The following PRELID2 variants were observed in gnomAD, a reference collection of about 807,000 sequenced individuals.
PRELID2 encodes PRELI domain-containing protein 2.
In PRELID2, 25 loss-of-function variants were observed where a neutral mutation model predicts 28.4. The observed-to-expected ratio is 0.88, with a 90% CI of 0.64 to 1.23. The LOEUF is 1.23. Among genes scored for constraint, PRELID2 ranks in the 50% most tolerant of loss-of-function variants. PRELID2 has a pLI of 0.00. For synonymous variants in PRELID2, 76 were observed against 71.6 expected, an observed-to-expected ratio of 1.06 and a Z score of -0.31; for missense variants, 201 against 214.4, an observed-to-expected ratio of 0.94 and a Z score of 0.39.
At chr5:145,490,896 AC>A (rs1179192573) in intron 1 of PRELID2, among the ~76,000 whole-genome samples, 2 of 122,848 alleles carry the variant, frequency 1.6e-5, no homozygotes, top group Non-Finnish European at 1.7e-5. Flanking sequence ...CACAGTCCCC[AC>A]CCCCCCATCA....
At chr5:145,511,235 C>G (rs1282095473) in intron 1 of PRELID2, among the ~76,000 whole-genome samples, 1 of 152,168 alleles carries the variant, frequency 6.6e-6, no homozygotes, top group Non-Finnish European at 1.5e-5. Flanking sequence ...TCAAGAAATG[C>G]ACATGCATAG....
chr5:145,750,964 C>A (rs1664535811), intron 1 of PRELID2, among the ~76,000 whole-genome samples: 1 of 152,176 alleles, frequency 6.6e-6, no homozygotes, highest in Admixed American at 6.5e-5. Context: ...TGTAGACTGA[C>A]TGGTTAGAGA....
the PRELID2 span, among the ~76,000 whole-genome samples, chr5:145,309,425 GAA>G: frequency 2.2e-4 from 34 of 152,282 alleles, no homozygotes; most frequent in African/African-American, 7.7e-4. Flanking sequence ...GGGAGAGAAA[GAA>G]AACTGATGCA....
At chr5:145,591,954 T>C (rs752176122) in intron 1 of PRELID2, among the ~76,000 whole-genome samples, 9 of 152,200 alleles carry the variant, frequency 5.9e-5, no homozygotes, top group Non-Finnish European at 1.2e-4. Flanking sequence ...TCATGTACAT[T>C]CTTCACCTCT....
the PRELID2 span, chr5:145,229,029 A>T: frequency 1.2e-6 from 2 of 1,602,282 alleles, no homozygotes; most frequent in East Asian, 4.5e-5. Context: ...GGAGGAGTTC[A>T]TCTGGGCGGC....
intron 1 of PRELID2, among the ~76,000 whole-genome samples, chr5:145,652,020 G>A (rs1029164289): frequency 6.6e-5 from 10 of 152,278 alleles, no homozygotes; most frequent in Non-Finnish European, 1.5e-4. Context: ...AGTTTAGACA[G>A]ATGGCTAACC....
chr5:145,797,827 G>A (rs1752870346), intron 4 of PRELID2, among the ~76,000 whole-genome samples: 1 of 151,706 alleles, frequency 6.6e-6, no homozygotes, highest in African/African-American at 2.4e-5. Flanking sequence ...AAAGAAACAA[G>A]GAAACATGGC....
At chr5:145,789,449 G>T (rs1180933856) in intron 5 of PRELID2, among the ~76,000 whole-genome samples, 1 of 151,986 alleles carries the variant, frequency 6.6e-6, no homozygotes, top group African/African-American at 2.4e-5. Context: ...TATCCACATA[G>T]AATAATAAAA....
intron 1 of PRELID2, among the ~76,000 whole-genome samples, chr5:145,725,246 C>T (rs541419694): frequency 5.3e-5 from 8 of 152,206 alleles, no homozygotes; most frequent in Admixed American, 4.6e-4. Context: ...ATAAGGTGCT[C>T]AGAATCATCG....
At chr5:145,423,627 A>G in the PRELID2 span, among the ~76,000 whole-genome samples, 66 of 130,930 alleles carry the variant, frequency 5.0e-4, 1 homozygote, top group African/African-American at 1.8e-3. Flanking sequence ...TATTCTAGTT[A>G]TACATTCTTC....
intron 1 of PRELID2, among the ~76,000 whole-genome samples, chr5:145,634,943 T>C (rs548517711): frequency 1.8e-4 from 27 of 152,350 alleles, no homozygotes; most frequent in African/African-American, 5.5e-4. Flanking sequence ...ATCAACACTC[T>C]GTAGCAGCCA....
intron 5 of PRELID2, among the ~76,000 whole-genome samples, chr5:145,777,466 C>T (rs1758481927): frequency 6.6e-6 from 1 of 152,230 alleles, no homozygotes; most frequent in African/African-American, 2.4e-5. Flanking sequence ...GATTCTACCA[C>T]TCACCACCTG....
chr5:145,692,992 AG>A (rs1285814488), intron 1 of PRELID2, among the ~76,000 whole-genome samples: 2 of 152,222 alleles, frequency 1.3e-5, no homozygotes, highest in African/African-American at 4.8e-5. Flanking sequence ...GAGAAAATAC[AG>A]GTGTACGTCA....
At chr5:145,230,466 C>T in the PRELID2 span, among the ~76,000 whole-genome samples, 3 of 152,074 alleles carry the variant, frequency 2.0e-5, no homozygotes, top group Non-Finnish European at 2.9e-5. Context: ...GTAATCCCAG[C>T]TACTCAGGAG....
chr5:145,322,912 C>T, the PRELID2 span, among the ~76,000 whole-genome samples: 4 of 151,926 alleles, frequency 2.6e-5, no homozygotes, highest in Non-Finnish European at 5.9e-5. Flanking sequence ...ACCCGGAAGG[C>T]GGAGGTTGCA....
At chr5:145,328,418 C>T in the PRELID2 span, among the ~76,000 whole-genome samples, 1 of 152,186 alleles carries the variant, frequency 6.6e-6, no homozygotes, top group African/African-American at 2.4e-5. Context: ...AAAAGCGTTG[C>T]TATTTCTCCA....
chr5:145,640,431 G>A (rs376838103), intron 1 of PRELID2, among the ~76,000 whole-genome samples: 11,888 of 147,290 alleles, frequency 0.081, 623 homozygotes, highest in Admixed American at 0.18. Flanking sequence ...AGCCGAGATC[G>A]CGCCACTGCA....
chr5:145,645,989 T>G (rs1374749742), intron 1 of PRELID2, among the ~76,000 whole-genome samples: 1 of 152,242 alleles, frequency 6.6e-6, no homozygotes, highest in Non-Finnish European at 1.5e-5. Context: ...TCAACCTTGG[T>G]GAATCTGACA....
chr5:145,820,403 T>A (rs1184794305), intron 2 of PRELID2, among the ~76,000 whole-genome samples: 1 of 152,082 alleles, frequency 6.6e-6, no homozygotes. Flanking sequence ...ATGTCAAGGA[T>A]GAAAGAATCA....
Sources: allele counts gnomAD v4.1 joint callset (sites outside exome capture counted in the v4.1 genomes callset), GRCh38; gene constraint gnomAD v4.1.1; transcripts MANE v1.5; gene names NCBI Gene and HGNC (gene_info 2026-07-23, HGNC 2026-07-21).